The following TLN2 variants were observed in gnomAD, a reference collection of about 807,000 sequenced individuals.
The protein encoded by TLN2 is talin 2.
Under a neutral mutation model 294.7 loss-of-function variants are expected in TLN2, and 118 were observed. The ratio of observed to expected loss-of-function variants is 0.40; its 90% confidence interval spans 0.34 to 0.47. The LOEUF (loss-of-function observed/expected upper bound fraction) is 0.47, where lower values mean the gene tolerates loss of function less well. Ranked by LOEUF, TLN2 falls within the 20% of genes least tolerant of loss-of-function variation. The pLI, the probability that TLN2 is intolerant of heterozygous loss-of-function variation, is 0.84. For synonymous variants in TLN2, 1,431 were observed against 1,304.5 expected (o/e 1.10, Z -2.09); for missense variants, 3,083 against 3,282.2 (o/e 0.94, Z 1.48).
intron 1 of TLN2, among the ~76,000 whole-genome samples, chr15:62,570,433 C>G (rs1236521025): frequency 2.0e-5 from 3 of 152,218 alleles, no homozygotes; most frequent in African/African-American, 7.2e-5. Context: ...GTCATGGCAT[C>G]AAATCCCACA....
rs780701996 is a variant in TLN2, at chr15:62,650,087, C to T, written c.140C>T (p.Ser47Phe). 3 of 1,614,060 alleles carry T rather than the reference C, an allele frequency of 1.9e-6. No homozygotes were observed. The highest frequency in any genetic ancestry group is 3.3e-5 in the Admixed American group (2 of 60,014). ...TTTCTTCCCATTTATATTTCAGCTT[C>T]TGACTATGGACTCTTTCTTTCGGAT... ...RVPEAQTGQA[S>F]DYGLFLSDED... is the part of the protein sequence containing the mutation. Residue 47 changes from serine (S) to phenylalanine (F), a missense_variant, in exon 5 of 59, where the codon TCT (serine) becomes TTT (phenylalanine). Transcript: ENST00000636159.
At chr15:62,588,554 C>G (rs1244102898) in intron 1 of TLN2, among the ~76,000 whole-genome samples, 2 of 150,734 alleles carry the variant, frequency 1.3e-5, no homozygotes, top group African/African-American at 2.4e-5. Context: ...GTTGCTTGGA[C>G]CCGGAAGGCG....
intron 1 of TLN2, among the ~76,000 whole-genome samples, chr15:62,508,779 T>C (rs1464166197): frequency 6.6e-6 from 1 of 152,230 alleles, no homozygotes; most frequent in Non-Finnish European, 1.5e-5. Context: ...CATGTTTCTC[T>C]ATTTACGTTT....
intron 1 of TLN2, among the ~76,000 whole-genome samples, chr15:62,450,344 G>T (rs762070278): frequency 6.6e-6 from 1 of 152,192 alleles, no homozygotes; most frequent in South Asian, 2.1e-4. Flanking sequence ...CCGAGTCACC[G>T]TGTTTGTAGA....
chr15:62,803,352 A>G (rs756881781), intron 50 of TLN2, among the ~76,000 whole-genome samples: 4 of 152,168 alleles, frequency 2.6e-5, no homozygotes, highest in Non-Finnish European at 5.9e-5. Context: ...GTACTTGGAT[A>G]TTGATAGCTT....
intron 37 of TLN2, among the ~76,000 whole-genome samples, chr15:62,756,722 A>AT (rs2062277134): frequency 1.3e-5 from 2 of 152,116 alleles, no homozygotes; most frequent in Non-Finnish European, 2.9e-5. Context: ...TGCACACCTC[A>AT]TTTTGTTTTG....
At chr15:62,460,890 G>T (rs1018674442) in intron 1 of TLN2, among the ~76,000 whole-genome samples, 1 of 151,952 alleles carries the variant, frequency 6.6e-6, no homozygotes, top group Non-Finnish European at 1.5e-5. Flanking sequence ...CTGGTGCACC[G>T]CCTTCCCACA....
intron 1 of TLN2, among the ~76,000 whole-genome samples, chr15:62,492,969 C>T (rs932039966): frequency 1.3e-5 from 2 of 152,128 alleles, no homozygotes; most frequent in African/African-American, 2.4e-5. Flanking sequence ...TTTGAGGACT[C>T]GGAGAGTTGT....
chr15:62,561,011 C>G (rs192526040), intron 1 of TLN2, among the ~76,000 whole-genome samples: 1 of 152,340 alleles, frequency 6.6e-6, no homozygotes, highest in Non-Finnish European at 1.5e-5. Context: ...GCTTCCCATT[C>G]TTCCTCTACA....
At chr15:62,451,908 G>A (rs751076577) in intron 1 of TLN2, among the ~76,000 whole-genome samples, 4 of 152,162 alleles carry the variant, frequency 2.6e-5, no homozygotes, top group Non-Finnish European at 4.4e-5. Flanking sequence ...GTTTTAGATC[G>A]TATATTTATG....
In TLN2 at chr15:62,762,565, TTTC is replaced by T. The variant is rs535138971; in HGVS notation, c.4961+115_4961+117del. The T allele has an allele frequency of 5.4e-5, 68 of 1,257,284 alleles. 1 individual carries two copies. The South Asian group carries it at 9.1e-4, about 17-fold the overall frequency. 77.9% of individuals were successfully genotyped at this position (1,257,284 alleles called of 1,614,324 possible). On this transcript the variant is annotated intron_variant, in intron 39 of 58. Transcript: ENST00000636159. The stretch of plus-strand genomic sequence containing the variant: ...TGATATTGTTGATCATTATCATCTT[TTTC>T]TTTTCTCTTTGGGGCCGGAAGCACT...
At chr15:62,772,157 A>C (rs149758958) in intron 42 of TLN2, among the ~76,000 whole-genome samples, 1 of 151,938 alleles carries the variant, frequency 6.6e-6, no homozygotes, top group Admixed American at 6.6e-5. Flanking sequence ...GGGTCTCACT[A>C]TGTTGCCCAG....
At chr15:62,461,917 T>A (rs139890071) in intron 1 of TLN2, among the ~76,000 whole-genome samples, 89 of 152,178 alleles carry the variant, frequency 5.8e-4, no homozygotes, top group African/African-American at 2.0e-3. Context: ...ATTGTTGGAG[T>A]CAGGAGGAAG....
chr15:62,700,985 C>T (rs567253774), intron 16 of TLN2, 121 bp from the exon 17 acceptor site: 60 of 780,610 alleles, frequency 7.7e-5, no homozygotes, highest in South Asian at 2.2e-4. Context: ...AGGGCCCTGT[C>T]GGTGCTGGCC....
chr15:62,397,437 A>G (rs571795143), intron 1 of TLN2, among the ~76,000 whole-genome samples: 3 of 151,906 alleles, frequency 2.0e-5, no homozygotes, highest in African/African-American at 7.3e-5. Flanking sequence ...TGTATTTGAT[A>G]TTTTTTTGTA....
At chr15:62,478,997 A>G (rs1224979283) in intron 1 of TLN2, among the ~76,000 whole-genome samples, 1 of 152,220 alleles carries the variant, frequency 6.6e-6, no homozygotes, top group Non-Finnish European at 1.5e-5. Context: ...GAAACATGCT[A>G]TCACTTTTGT....
At position 62,702,797 on chromosome 15, in the gene TLN2, G is replaced by C. The variant is rs755074621; in HGVS notation, c.1937G>C (p.Ser646Thr). Residue 646 changes from serine (S) to threonine (T), a missense_variant, in exon 19 of 59, where the codon AGC (serine) becomes ACC (threonine). By Grantham distance (58) the Ser-to-Thr change is moderately conservative. Coordinates refer to ENST00000636159, the MANE Select transcript of TLN2 (RefSeq NM_015059.3). The part of the protein sequence containing the change: ...PRQTVLTAAG[S>T]IGQASGDLLR... ...CAGACAGTTTTGACTGCTGCTGGCA[G>C]CATCGGACAAGCCAGTGGGGATCTT... The C allele has an allele frequency of 6.2e-7, 1 of 1,614,216 alleles. No individual in the cohort carries two copies. Among genetic ancestry groups the C allele is most frequent in the Non-Finnish European group, 8.5e-7 (1 of 1,180,024 alleles).
chr15:62,534,789 C>G (rs555878417), intron 1 of TLN2, among the ~76,000 whole-genome samples: 1 of 152,184 alleles, frequency 6.6e-6, no homozygotes, highest in Admixed American at 6.5e-5. Context: ...GGCACTCTTA[C>G]CACTCTGGAG....
chr15:62,579,710 T>C (rs2140681775), intron 1 of TLN2, among the ~76,000 whole-genome samples: 1 of 152,260 alleles, frequency 6.6e-6, no homozygotes, highest in Admixed American at 6.5e-5. Flanking sequence ...TCATTACAGA[T>C]GACAGAGTTT....
Sources: allele counts gnomAD v4.1 joint callset (sites outside exome capture counted in the v4.1 genomes callset), GRCh38; gene constraint gnomAD v4.1.1; transcripts MANE v1.5; gene names NCBI Gene and HGNC (gene_info 2026-07-23, HGNC 2026-07-21).